KIF26B: variants seen among roughly 807,000 people sequenced by gnomAD.
KIF26B encodes kinesin family member 26B.
KIF26B carries 63 observed loss-of-function variants against 151.2 expected under a neutral mutation model. The observed-to-expected ratio is 0.42, with a 90% CI of 0.34 to 0.51. The LOEUF is 0.51. Among genes scored for constraint, KIF26B ranks in the 20% least tolerant of loss-of-function variants. The pLI is 0.07. For synonymous variants in KIF26B, 1,357 were observed against 1,262.1 expected (o/e 1.08, Z -1.59); for missense variants, 2,813 against 2,913.6 (o/e 0.97, Z 0.79).
intron 2 of KIF26B, among the ~76,000 whole-genome samples, chr1:245,179,089 C>T (rs114827992): frequency 0.011 from 1,646 of 151,932 alleles, 20 homozygotes; most frequent in African/African-American, 0.038. Flanking sequence ...ATAGGCAAAA[C>T]GACATTTAAA....
intron 4 of KIF26B, among the ~76,000 whole-genome samples, chr1:245,535,632 A>G (rs1219293561): frequency 6.6e-6 from 1 of 152,210 alleles, no homozygotes; most frequent in Non-Finnish European, 1.5e-5. Flanking sequence ...AAGCCAACAC[A>G]TCACTAGTGG....
At chr1:245,378,141 G>T (rs974020723) in intron 3 of KIF26B, among the ~76,000 whole-genome samples, 5 of 152,224 alleles carry the variant, frequency 3.3e-5, no homozygotes, top group Non-Finnish European at 5.9e-5. Context: ...GGGGAGCCTT[G>T]TTCCTTCTCT....
intron 3 of KIF26B, among the ~76,000 whole-genome samples, chr1:245,404,426 G>A (rs1237740760): frequency 1.3e-5 from 2 of 152,146 alleles, no homozygotes; most frequent in African/African-American, 4.8e-5. Context: ...GGGGATCCCT[G>A]AGGTGTCAGG....
intron 9 of KIF26B, among the ~76,000 whole-genome samples, chr1:245,621,889 G>A (rs566714412): frequency 1.3e-5 from 2 of 152,320 alleles, no homozygotes; most frequent in East Asian, 3.9e-4. Flanking sequence ...TTTGAGTCAC[G>A]CAGGTATAAT....
At position 245,686,396 on chromosome 1, in the gene KIF26B, A is replaced by T; in HGVS notation, c.3413A>T (p.Lys1138Ile). The stretch of plus-strand genomic sequence containing the variant: ...GGAATGAGCCCCCAGGTTTTGAAAA[A>T]ATCCATGTCTGCTGGGAGCGAAGGG... ...PVGMSPQVLK[K>I]SMSAGSEGFP... The change falls in exon 12 of 15, where the codon AAA (lysine) becomes ATA (isoleucine). Residue 1138 changes from lysine to isoleucine, a missense_variant. By Grantham distance (102) the Lys-to-Ile change is moderately radical (BLOSUM62 -3). Around this residue, in one of 3 missense-constraint regions of KIF26B, gnomAD observed 2,060 missense variants for 2,088.6 expected, o/e 0.99. Coordinates refer to ENST00000407071, the MANE Select transcript of KIF26B (RefSeq NM_018012.4). This position sits in a 1 kb window ranked among gnomAD's most constrained non-coding sequence, Gnocchi z 5.6. The T allele has an allele frequency of 6.2e-7, 1 of 1,613,368 alleles. No individual in the cohort carries two copies.
intron 12 of KIF26B, among the ~76,000 whole-genome samples, chr1:245,696,083 G>A (rs936073961): frequency 1.3e-5 from 2 of 152,244 alleles, no homozygotes. Flanking sequence ...TGGCCCCCAT[G>A]GTCTCTGCCT....
At chr1:245,329,623 TTCAC>T (rs1442598346) in intron 2 of KIF26B, among the ~76,000 whole-genome samples, 1 of 152,124 alleles carries the variant, frequency 6.6e-6, no homozygotes, top group Non-Finnish European at 1.5e-5. Context: ...CTCATACACA[TTCAC>T]TCACTCACCA....
At position 245,597,837 on chromosome 1, in the gene KIF26B, C is replaced by CT. The variant is rs1402587712; in HGVS notation, c.1351-4734dup. 2.0e-5 allele frequency among the ~76,000 whole-genome samples: 3 copies of CT among 152,018 alleles called. No individual in the cohort carries two copies. The highest frequency in any genetic ancestry group is 4.4e-5 in the Non-Finnish European group (3 of 68,026). On this transcript the variant is annotated intron_variant, in intron 5 of 14. Transcript: ENST00000407071. The surrounding 1 kb of genome is among the most constrained non-coding windows in gnomAD (Gnocchi z 4.6). ...GAGGCTTTGTTCATTCCTTTTCATT[C>CT]TTTTTTCTCTAATCTTGTCTTCACG... is the stretch of plus-strand genomic sequence containing the variant.
At chr1:245,209,573 G>C (rs1234288703) in intron 2 of KIF26B, among the ~76,000 whole-genome samples, 1 of 152,144 alleles carries the variant, frequency 6.6e-6, no homozygotes, top group Non-Finnish European at 1.5e-5. Context: ...AGAGAGAGGT[G>C]TTTCTTTTCC....
rs747176545 is a variant in KIF26B at position 245,667,808 on chromosome 1, A to G, written c.2259-16425A>G. ...AGATGTTTTGAAGCTAAAACAGACA[A>G]ACAAAAGGGACCAAAGAGGTGGCAT... is the stretch of plus-strand genomic sequence containing the variant. On this transcript the variant is annotated intron_variant, in intron 10 of 14. Transcript: ENST00000407071. The surrounding 1 kb of genome is among the most constrained non-coding windows in gnomAD (Gnocchi z 4.3). Among the ~76,000 whole-genome samples, 1 of 152,192 alleles carries G rather than the reference A, an allele frequency of 6.6e-6. No homozygotes were observed. Among genetic ancestry groups the G allele is most frequent in the Non-Finnish European group, 1.5e-5 (1 of 68,036 alleles).
At chr1:245,326,308 AAC>A (rs534049966) in intron 2 of KIF26B, among the ~76,000 whole-genome samples, 24 of 152,308 alleles carry the variant, frequency 1.6e-4, no homozygotes, top group African/African-American at 5.8e-4. Flanking sequence ...TTCCAACAGA[AAC>A]AGCATTAACA....
At chr1:245,311,057 C>T (rs762566269) in intron 2 of KIF26B, among the ~76,000 whole-genome samples, 1 of 152,150 alleles carries the variant, frequency 6.6e-6, no homozygotes, top group Non-Finnish European at 1.5e-5. Context: ...GTGTCAACAT[C>T]AGCATGAAGC....
chr1:245,476,527 TTTAC>T (rs140608728), intron 4 of KIF26B, among the ~76,000 whole-genome samples: 72,140 of 126,046 alleles, frequency 0.57, 20,552 homozygotes, highest in East Asian at 0.68. Context: ...TATTTATTTA[TTTAC>T]TTACTTACTT....
chr1:245,547,040 TG>T, intron 5 of KIF26B, among the ~76,000 whole-genome samples: 1 of 152,336 alleles, frequency 6.6e-6, no homozygotes, highest in East Asian at 1.9e-4. Context: ...CGCCAGCCTC[TG>T]GACAGCACAT....
intron 5 of KIF26B, among the ~76,000 whole-genome samples, chr1:245,582,524 C>A (rs192414738): frequency 2.6e-5 from 4 of 151,894 alleles, no homozygotes; most frequent in Non-Finnish European, 4.4e-5. Context: ...AAGGAAAAAA[C>A]GACTTTAACT....
intron 2 of KIF26B, among the ~76,000 whole-genome samples, chr1:245,237,625 G>A (rs766884840): frequency 2.0e-5 from 3 of 152,076 alleles, no homozygotes; most frequent in Admixed American, 6.5e-5. Flanking sequence ...TCAGCCTTTC[G>A]GAAACACACA....
chr1:245,302,858 G>T (rs1029881602), intron 2 of KIF26B, among the ~76,000 whole-genome samples: 4 of 151,566 alleles, frequency 2.6e-5, no homozygotes, highest in African/African-American at 9.7e-5. Flanking sequence ...GCGTGGTGGC[G>T]GGTGCCTGTA....
At chr1:245,404,475 G>A (rs1237943334) in intron 3 of KIF26B, among the ~76,000 whole-genome samples, 1 of 152,136 alleles carries the variant, frequency 6.6e-6, no homozygotes, top group Non-Finnish European at 1.5e-5. Flanking sequence ...TTAGCTCGGG[G>A]AATCTCGTTA....
chr1:245,242,317 G>A (rs79052494), intron 2 of KIF26B, among the ~76,000 whole-genome samples: 347 of 152,216 alleles, frequency 2.3e-3, no homozygotes, highest in Non-Finnish European at 4.1e-3. Context: ...TTCAAATCTC[G>A]TTTTATTTTA....
Sources: allele counts gnomAD v4.1 joint callset (sites outside exome capture counted in the v4.1 genomes callset), GRCh38; gene constraint gnomAD v4.1.1; regional missense constraint gnomAD v4.1.1; non-coding constraint Gnocchi (gnomAD v3.1); transcripts MANE v1.5; gene names NCBI Gene and HGNC (gene_info 2026-07-23, HGNC 2026-07-21).